PRKN: variants seen among roughly 807,000 people sequenced by gnomAD.
The protein encoded by PRKN is parkin RBR E3 ubiquitin protein ligase, also known as E3 ubiquitin-protein ligase parkin.
A neutral mutation model predicts 59.5 loss-of-function variants in PRKN; 56 were observed. The ratio of observed to expected loss-of-function variants is 0.94; its 90% CI spans 0.76 to 1.18. PRKN has a LOEUF of 1.18. Ranked by LOEUF, PRKN falls within the 50% of genes most tolerant of loss-of-function variation. The pLI is 0.00. For missense variants in PRKN, 657 were observed against 596.4 expected, an observed-to-expected ratio of 1.10 and a Z score of -1.06; for synonymous variants, 250 against 222.1, an observed-to-expected ratio of 1.13 and a Z score of -1.12.
intron 6 of PRKN, among the ~76,000 whole-genome samples, chr6:161,963,942 C>T (rs1315002638): frequency 2.7e-5 from 4 of 150,900 alleles, no homozygotes; most frequent in African/African-American, 9.9e-5. Context: ...TTTTTCTACT[C>T]TTACTGGTTT....
chr6:162,690,179 C>A (rs1428315975), intron 1 of PRKN, among the ~76,000 whole-genome samples: 1 of 151,852 alleles, frequency 6.6e-6, no homozygotes, highest in Admixed American at 6.6e-5. Flanking sequence ...AGTAACCTCG[C>A]TTTAGCTAAA....
chr6:162,567,568 C>T (rs746579200), intron 1 of PRKN, among the ~76,000 whole-genome samples: 5 of 151,840 alleles, frequency 3.3e-5, no homozygotes, highest in Non-Finnish European at 7.4e-5. Context: ...CCCAAAGAAG[C>T]AAAAGATCTC....
Position 161,511,394 on chromosome 6 carries a change from T to C in PRKN, c.1083+37460A>G, listed in dbSNP as rs373356142. Among the ~76,000 whole-genome samples the C allele has an allele frequency of 1.4e-4, 22 of 152,296 alleles. No homozygotes were observed. The East Asian group carries it at 2.3e-3, about 16-fold the overall frequency. ...ATCAGTTTTCCCTTCCAATAGAATA[T>C]AAACCGCACGAGGCCTAAGACTGTG... On this transcript the variant is annotated intron_variant, in intron 9 of 11. Coordinates refer to ENST00000366898, the MANE Select transcript of PRKN (RefSeq NM_004562.3).
chr6:161,741,996 T>A (rs1389770500), intron 7 of PRKN, among the ~76,000 whole-genome samples: 1 of 151,778 alleles, frequency 6.6e-6, no homozygotes, highest in East Asian at 1.9e-4. Context: ...TGAGACGGAG[T>A]CTTGCTCTTG....
At chr6:161,696,382 T>A (rs1786023087) in intron 7 of PRKN, among the ~76,000 whole-genome samples, 1 of 152,222 alleles carries the variant, frequency 6.6e-6, no homozygotes, top group Non-Finnish European at 1.5e-5. Flanking sequence ...GAACTCTGTT[T>A]TGTACCATGT....
intron 2 of PRKN, among the ~76,000 whole-genome samples, chr6:162,289,513 A>G (rs2128108783): frequency 6.6e-6 from 1 of 152,068 alleles, no homozygotes; most frequent in African/African-American, 2.4e-5. Context: ...CATGGCCAAC[A>G]TGATGAAAAC....
intron 4 of PRKN, among the ~76,000 whole-genome samples, chr6:162,131,877 C>T (rs140184029): frequency 6.6e-6 from 1 of 152,186 alleles, no homozygotes; most frequent in African/African-American, 2.4e-5. Flanking sequence ...CTATAGGATC[C>T]TATATGGGGT....
At chr6:162,149,237 C>G (rs1207532186) in intron 4 of PRKN, among the ~76,000 whole-genome samples, 1 of 151,884 alleles carries the variant, frequency 6.6e-6, no homozygotes, top group Non-Finnish European at 1.5e-5. Context: ...TAAGACTTTA[C>G]TTTCTTTTTT....
intron 5 of PRKN, among the ~76,000 whole-genome samples, chr6:161,985,589 A>G (rs1411790954): frequency 6.6e-6 from 1 of 152,224 alleles, no homozygotes; most frequent in Non-Finnish European, 1.5e-5. Flanking sequence ...GGGAGTCTCT[A>G]GAAGACAGTA....
At chr6:161,793,122 A>G (rs1196586704) in intron 6 of PRKN, among the ~76,000 whole-genome samples, 1 of 152,236 alleles carries the variant, frequency 6.6e-6, no homozygotes, top group Non-Finnish European at 1.5e-5. Context: ...ACTGGAGAGG[A>G]GCCTGCTCCG....
chr6:161,738,587 C>A (rs1015896342), intron 7 of PRKN, among the ~76,000 whole-genome samples: 4 of 152,206 alleles, frequency 2.6e-5, no homozygotes, highest in Admixed American at 6.5e-5. Flanking sequence ...AGCTCCCACA[C>A]ACGCAGATGC....
At chr6:161,733,798 GTATATATA>G (rs10597402) in intron 7 of PRKN, among the ~76,000 whole-genome samples, 4 of 122,376 alleles carry the variant, frequency 3.3e-5, no homozygotes, top group East Asian at 2.3e-4. Context: ...ATATATATAT[GTATATATA>G]TATATATATA....
Position 161,545,616 on chromosome 6 carries a change from A to T in PRKN, c.1083+3238T>A, listed in dbSNP as rs890280932. On this transcript the variant is annotated intron_variant, in intron 9 of 11. Coordinates refer to ENST00000366898, the MANE Select transcript of PRKN (RefSeq NM_004562.3). This position sits in a 1 kb window ranked among gnomAD's most constrained non-coding sequence, Gnocchi z 4.1. ...ACAAGGTTATACAAACCACAGCAAAACAACATGTATCAGGAAAAGGGGAAG... is the reference window on the plus strand; with the variant it reads ...ACAAGGTTATACAAACCACAGCAAATCAACATGTATCAGGAAAAGGGGAAG... 6.6e-6 allele frequency among the ~76,000 whole-genome samples: 1 copy of T among 152,220 alleles called. No individual in the cohort carries two copies.
At chr6:161,583,120 C>A (rs115555071) in intron 7 of PRKN, among the ~76,000 whole-genome samples, 104 of 151,944 alleles carry the variant, frequency 6.8e-4, no homozygotes, top group African/African-American at 2.4e-3. Context: ...TACCAAAAAG[C>A]CTAAAATGTT....
chr6:162,140,770 G>GT (rs1319044487), intron 4 of PRKN, among the ~76,000 whole-genome samples: 1 of 152,128 alleles, frequency 6.6e-6, no homozygotes, highest in East Asian at 1.9e-4. Flanking sequence ...TAAAGGCCAT[G>GT]TTTTTTGAAA....
intron 6 of PRKN, among the ~76,000 whole-genome samples, chr6:161,804,139 C>A (rs578039777): frequency 6.6e-6 from 1 of 152,298 alleles, no homozygotes; most frequent in Non-Finnish European, 1.5e-5. Context: ...CTGAGCAGCA[C>A]AAGGGTTCCC....
At chr6:161,683,500 A>C (rs1322358658) in intron 7 of PRKN, among the ~76,000 whole-genome samples, 2 of 152,180 alleles carry the variant, frequency 1.3e-5, no homozygotes, top group African/African-American at 4.8e-5. Context: ...TCTTTCTCTC[A>C]ATCCCTTTCC....
chr6:161,584,476 C>T lies in PRKN; in HGVS notation c.872-15060G>A, dbSNP rs1057157022. Among the ~76,000 whole-genome samples the T allele has an allele frequency of 6.6e-6, 1 of 152,000 alleles. No individual in the cohort carries two copies. Among genetic ancestry groups the T allele is most frequent in the Admixed American group, 6.6e-5 (1 of 15,266 alleles). On this transcript the variant is annotated intron_variant, in intron 7 of 11. Transcript: ENST00000366898. This position sits in a 1 kb window ranked among gnomAD's most constrained non-coding sequence, Gnocchi z 4.8. ...TTCTTCTATTATAATCTTCATGTGCCAAATTGGGGGAAAAAACCTTATGGC... is the reference window on the plus strand; with the variant it reads ...TTCTTCTATTATAATCTTCATGTGCTAAATTGGGGGAAAAAACCTTATGGC...
chr6:161,949,306 T>C (rs1779897808), intron 6 of PRKN, among the ~76,000 whole-genome samples: 1 of 152,070 alleles, frequency 6.6e-6, no homozygotes, highest in African/African-American at 2.4e-5. Context: ...GAGGTCAGAG[T>C]TCGAGACCAG....
Sources: gnomAD v4.1 joint callset for allele counts (sites outside exome capture counted in the v4.1 genomes callset) on GRCh38, gnomAD v4.1.1 for gene constraint, Gnocchi (gnomAD v3.1) non-coding constraint, MANE v1.5 for transcripts, NCBI Gene and HGNC (gene_info 2026-07-23, HGNC 2026-07-21) for gene names.